PRKG1: variants seen among roughly 807,000 people sequenced by gnomAD.
The protein encoded by PRKG1 is cGMP-dependent protein kinase 1.
A neutral mutation model predicts 88.1 loss-of-function variants in PRKG1; 35 were observed. The ratio of observed to expected loss-of-function variants is 0.40; its 90% CI spans 0.30 to 0.53. The LOEUF (loss-of-function observed/expected upper bound fraction) is 0.53. Ranked by LOEUF, PRKG1 falls within the 20% of genes least tolerant of loss-of-function variation. The pLI, the probability that PRKG1 is intolerant of heterozygous loss-of-function variation, is 0.59. For missense variants in PRKG1, 540 were observed against 839.8 expected, an observed-to-expected ratio of 0.64 and a Z score of 4.41; for synonymous variants, 303 against 292.5, an observed-to-expected ratio of 1.04 and a Z score of -0.37.
At chr10:51,993,877 C>T (rs1227440359) in intron 5 of PRKG1, among the ~76,000 whole-genome samples, 1 of 152,158 alleles carries the variant, frequency 6.6e-6, no homozygotes, top group Non-Finnish European at 1.5e-5. Context: ...AACTTCAGGA[C>T]TCTCTCCTGT....
At chr10:51,920,662 C>T (rs1842445003) in intron 5 of PRKG1, among the ~76,000 whole-genome samples, 1 of 152,170 alleles carries the variant, frequency 6.6e-6, no homozygotes, top group Non-Finnish European at 1.5e-5. Context: ...GTGGTTCAAT[C>T]ATTCCTTAGC....
chr10:51,883,838 C>T (rs989364317), intron 4 of PRKG1, among the ~76,000 whole-genome samples: 1 of 152,092 alleles, frequency 6.6e-6, no homozygotes. Context: ...CCTTTATCGT[C>T]TTCCTATTAT....
intron 9 of PRKG1, chr10:52,242,094 G>A (rs2132380305): frequency 6.6e-6 from 1 of 152,328 alleles, no homozygotes; most frequent in Middle Eastern, 3.4e-3. Context: ...ACATGAAGAT[G>A]AGGGACGTTT....
chr10:51,733,297 G>C (rs1837168453), intron 3 of PRKG1, among the ~76,000 whole-genome samples: 2 of 152,092 alleles, frequency 1.3e-5, no homozygotes, highest in Non-Finnish European at 2.9e-5. Flanking sequence ...GAAAACTCAA[G>C]ACAAATTCTG....
At chr10:52,178,487 G>T (rs1344642227) in intron 9 of PRKG1, among the ~76,000 whole-genome samples, 14 of 151,968 alleles carry the variant, frequency 9.2e-5, no homozygotes, top group Admixed American at 9.2e-4. Context: ...TGGCTGAAAT[G>T]CTCTGTAATA....
chr10:51,101,523 A>T (rs544136425), intron 1 of PRKG1, among the ~76,000 whole-genome samples: 1 of 152,320 alleles, frequency 6.6e-6, no homozygotes, highest in East Asian at 1.9e-4. Context: ...AGAACTTTGT[A>T]TTCTCCTTTG....
chr10:51,924,641 C>A (rs1328358069), intron 5 of PRKG1, among the ~76,000 whole-genome samples: 1 of 149,484 alleles, frequency 6.7e-6, no homozygotes, highest in African/African-American at 2.4e-5. Flanking sequence ...TCCTAATGTT[C>A]TTTTTTATCA....
intron 8 of PRKG1, among the ~76,000 whole-genome samples, chr10:52,144,445 C>T (rs1358515039): frequency 1.3e-5 from 2 of 152,096 alleles, no homozygotes; most frequent in Admixed American, 6.6e-5. Context: ...TGGGGAGGAA[C>T]TCAAACAGGC....
intron 5 of PRKG1, among the ~76,000 whole-genome samples, chr10:51,970,051 C>CACACACACACACACA (rs1415860987): frequency 2.7e-5 from 3 of 112,154 alleles, no homozygotes; most frequent in Non-Finnish European, 3.9e-5. Context: ...CACACACACA[C>CACACACACACACACA]CCATATTTAT....
chr10:51,059,846 T>C (rs1424862858), intron 1 of PRKG1, among the ~76,000 whole-genome samples: 1 of 152,152 alleles, frequency 6.6e-6, no homozygotes, highest in Non-Finnish European at 1.5e-5. Flanking sequence ...AGTATATTGT[T>C]TCTATCTTTT....
rs183074509 is a variant in PRKG1 at position 51,844,210 on chromosome 10, T to C, written c.698+39520T>C. Among the ~76,000 whole-genome samples the C allele has an allele frequency of 2.4e-3, 368 of 152,292 alleles. 2 individuals carry two copies. The highest frequency in any genetic ancestry group is 8.4e-3 in the African/African-American group (348 of 41,572). On this transcript the variant is annotated intron_variant, in intron 4 of 17. Transcript: ENST00000373980. ...TGGCAATCATGAGCCATAATTCTAATGATAGGTTTCTGAGGAGTGAATAAG... is the reference window on the plus strand; with the variant it reads ...TGGCAATCATGAGCCATAATTCTAACGATAGGTTTCTGAGGAGTGAATAAG...
intron 2 of PRKG1, among the ~76,000 whole-genome samples, chr10:51,237,397 A>G (rs926870714): frequency 2.0e-5 from 3 of 152,192 alleles, no homozygotes; most frequent in African/African-American, 4.8e-5. Context: ...GGGAATATCC[A>G]TGGGCCCCAG....
intron 1 of PRKG1, among the ~76,000 whole-genome samples, chr10:51,103,268 A>G (rs188702198): frequency 3.3e-5 from 5 of 152,354 alleles, no homozygotes; most frequent in Non-Finnish European, 5.9e-5. Flanking sequence ...TTTCCAAATT[A>G]TAAAGGCCCA....
At chr10:52,087,400 A>G (rs1244389679) in intron 7 of PRKG1, among the ~76,000 whole-genome samples, 1 of 152,146 alleles carries the variant, frequency 6.6e-6, no homozygotes, top group Non-Finnish European at 1.5e-5. Context: ...TTTCTTATCT[A>G]TTAGAAAATT....
chr10:51,427,783 T>C (rs1484916134), intron 2 of PRKG1, among the ~76,000 whole-genome samples: 1 of 152,190 alleles, frequency 6.6e-6, no homozygotes, highest in Admixed American at 6.5e-5. Context: ...TTCAGGTGAT[T>C]AATATTCACA....
At chr10:51,179,481 C>T (rs774189259) in intron 2 of PRKG1, among the ~76,000 whole-genome samples, 32 of 152,140 alleles carry the variant, frequency 2.1e-4, no homozygotes, top group Non-Finnish European at 4.3e-4. Flanking sequence ...CTGATTTGTT[C>T]ATATCTTCTT....
intron 3 of PRKG1, among the ~76,000 whole-genome samples, chr10:51,758,853 C>T (rs528012072): frequency 1.3e-5 from 2 of 149,254 alleles, no homozygotes; most frequent in African/African-American, 5.0e-5. Flanking sequence ...TCTTCCCCCC[C>T]ACCCCCCGAC....
intron 2 of PRKG1, among the ~76,000 whole-genome samples, chr10:51,297,816 A>C (rs1339248315): frequency 6.6e-6 from 1 of 152,120 alleles, no homozygotes; most frequent in Non-Finnish European, 1.5e-5. Context: ...TGATGAAATC[A>C]TGATGATAAT....
intron 5 of PRKG1, among the ~76,000 whole-genome samples, chr10:52,049,384 A>T (rs914190485): frequency 6.6e-6 from 1 of 152,158 alleles, no homozygotes; most frequent in African/African-American, 2.4e-5. Context: ...TCTGAAACAG[A>T]ATCACAAGAG....
Sources: allele counts gnomAD v4.1 joint callset (sites outside exome capture counted in the v4.1 genomes callset), GRCh38; gene constraint gnomAD v4.1.1; transcripts MANE v1.5; gene names NCBI Gene and HGNC (gene_info 2026-07-23, HGNC 2026-07-21).